Variants in DUSP22 observed in about 807,000 individuals in gnomAD.
DUSP22 encodes the protein dual specificity phosphatase 22.
Under a neutral mutation model 24.5 loss-of-function variants are expected in DUSP22, and 24 were observed. The ratio of observed to expected loss-of-function variants is 0.98; its 90% CI spans 0.71 to 1.38. DUSP22 has a LOEUF of 1.38. DUSP22 is among the 40% of genes most tolerant of loss of function. The pLI, the probability that DUSP22 is intolerant of heterozygous loss-of-function variation, is 0.00. For synonymous variants in DUSP22, 160 were observed against 106.4 expected, an observed-to-expected ratio of 1.50 and a Z score of -3.10; for missense variants, 330 against 269.2, an observed-to-expected ratio of 1.23 and a Z score of -1.58.
chr6:313,282 C>T (rs1758191636), intron 3 of DUSP22, among the ~76,000 whole-genome samples: 1 of 152,424 alleles, frequency 6.6e-6, no homozygotes, highest in Non-Finnish European at 1.5e-5. Context: ...CTGCTTCATA[C>T]TCCATTAAAT....
chr6:342,049 A>G (rs1326633736), intron 4 of DUSP22, among the ~76,000 whole-genome samples: 2 of 152,308 alleles, frequency 1.3e-5, no homozygotes, highest in Non-Finnish European at 2.9e-5. Flanking sequence ...CCCCACTCCA[A>G]GGTTTCAGTG....
chr6:348,628 C>A, intron 6 of DUSP22, 141 bp from the exon 7 acceptor site: 1 of 1,431,286 alleles, frequency 7.0e-7, no homozygotes, highest in Non-Finnish European at 9.6e-7. Context: ...TGGCCAACCA[C>A]AGAGCTCTGA....
intron 3 of DUSP22, among the ~76,000 whole-genome samples, chr6:324,406 C>A (rs1758753393): frequency 6.6e-6 from 1 of 152,310 alleles, no homozygotes; most frequent in South Asian, 2.1e-4. Context: ...TGCCGCGAAC[C>A]TCAGGCAGTG....
rs534741333 is a variant in DUSP22 at position 300,597 on chromosome 6, A to G, written c.22-4031A>G. On this transcript the variant is annotated intron_variant, in intron 1 of 6. Coordinates refer to ENST00000419235, the MANE Select transcript of DUSP22 (RefSeq NM_001286555.3). ...AGTAAATGGCAAATGAGCAGCAGTGAAGTCCAGAAAGGGCAGAGTCTCCTG... is the reference window on the plus strand; with the variant it reads ...AGTAAATGGCAAATGAGCAGCAGTGGAGTCCAGAAAGGGCAGAGTCTCCTG... 2.0e-5 allele frequency among the ~76,000 whole-genome samples: 3 copies of G among 152,420 alleles called. No homozygotes were observed. In the East Asian group the frequency reaches 5.8e-4, roughly 29 times the overall value.
rs1456956346 is a variant in DUSP22, at chr6:349,275, G to A, written c.*324G>A. ...CATGTGTGTGCCTGTGTGAGTGAGG[G>A]TATGTGCACCTAAGTGTGTACATGT... On this transcript the variant is annotated 3_prime_UTR_variant, in exon 7 of 7. Coordinates refer to ENST00000419235, the MANE Select transcript of DUSP22 (RefSeq NM_001286555.3). 4.6e-6 allele frequency: 6 copies of A among 1,304,984 alleles called. No individual in the cohort carries two copies. The highest frequency in any genetic ancestry group is 4.9e-6 in the Non-Finnish European group (5 of 1,020,326). The allele number at this position is 1,304,984 out of a possible 1,614,324, so 80.8% of individuals were successfully genotyped here.
At chr6:341,194 T>C (rs2127417963) in intron 4 of DUSP22, among the ~76,000 whole-genome samples, 1 of 152,426 alleles carries the variant, frequency 6.6e-6, no homozygotes, top group Non-Finnish European at 1.5e-5. Context: ...GTCCGGTCCG[T>C]GCTTCCTTGT....
intron 3 of DUSP22, among the ~76,000 whole-genome samples, chr6:312,566 T>A: frequency 6.6e-6 from 1 of 152,312 alleles, no homozygotes; most frequent in South Asian, 2.1e-4. Context: ...AGGTAAAATC[T>A]ATTTATGTTT....
chr6:293,513 C>G (rs1298559041), intron 1 of DUSP22, among the ~76,000 whole-genome samples: 1 of 152,202 alleles, frequency 6.6e-6, no homozygotes, highest in Non-Finnish European at 1.5e-5. Context: ...TTGCGCTCCA[C>G]CCACCCACAT....
At chr6:320,336 G>A (rs889382612) in intron 3 of DUSP22, 14 of 153,014 alleles carry the variant, frequency 9.1e-5, no homozygotes, top group African/African-American at 2.6e-4. Flanking sequence ...TCCTCCTGAC[G>A]GCTGTACTTG....
chr6:329,610 G>C (rs968058901), intron 3 of DUSP22, among the ~76,000 whole-genome samples: 2 of 152,290 alleles, frequency 1.3e-5, no homozygotes, highest in Non-Finnish European at 2.9e-5. Context: ...ATGCCACCAC[G>C]CCTGGCTAAT....
rs1187007313 is a variant in DUSP22, at chr6:349,876, G to A, written c.*925G>A. Reference sequence around the variant, plus strand: ...ACTTTAGCCTAAGTTGGGTGCCCCAGGGCACCCCCTCCTCTCTGCTCCTTG... The same window carrying A: ...ACTTTAGCCTAAGTTGGGTGCCCCAAGGCACCCCCTCCTCTCTGCTCCTTG... On this transcript the variant is annotated 3_prime_UTR_variant, in exon 7 of 7. Transcript: ENST00000419235. 4 of 985,904 alleles carry A rather than the reference G, an allele frequency of 4.1e-6. No individual in the cohort carries two copies. In the African/African-American group the frequency reaches 5.2e-5, roughly 13 times the overall value. 61.1% of individuals were successfully genotyped at this position (985,904 alleles called of 1,614,324 possible).
At chr6:320,107 C>G (rs1758522103) in intron 3 of DUSP22, 2 of 152,506 alleles carry the variant, frequency 1.3e-5, no homozygotes, top group African/African-American at 4.8e-5. Context: ...GGCTTGAGAT[C>G]TTCCAGTACT....
intron 1 of DUSP22, among the ~76,000 whole-genome samples, chr6:299,037 G>T (rs1757465891): frequency 6.6e-6 from 1 of 152,306 alleles, no homozygotes; most frequent in South Asian, 2.1e-4. Context: ...CAGGAACAGT[G>T]TCCCCAGCAA....
intron 3 of DUSP22, among the ~76,000 whole-genome samples, chr6:328,923 C>T (rs1376557233): frequency 6.6e-6 from 1 of 152,306 alleles, no homozygotes; most frequent in Non-Finnish European, 1.5e-5. Context: ...GTGTAATCTT[C>T]CTTGGGATGG....
At chr6:316,200 G>T (rs1050519900) in intron 3 of DUSP22, among the ~76,000 whole-genome samples, 3 of 152,308 alleles carry the variant, frequency 2.0e-5, no homozygotes, top group Non-Finnish European at 4.4e-5. Flanking sequence ...TCAGCAAGTG[G>T]CAGGGCCAGG....
At chr6:313,943 G>T (rs997996922) in intron 3 of DUSP22, among the ~76,000 whole-genome samples, 1 of 152,304 alleles carries the variant, frequency 6.6e-6, no homozygotes, top group Admixed American at 6.5e-5. Flanking sequence ...TCTGCCTGGG[G>T]CACAAAGGCA....
At chr6:313,403 C>T (rs1758196323) in intron 3 of DUSP22, among the ~76,000 whole-genome samples, 1 of 152,308 alleles carries the variant, frequency 6.6e-6, no homozygotes, top group Non-Finnish European at 1.5e-5. Flanking sequence ...GCCCTTATCA[C>T]TTGGGAAACC....
At chr6:330,568 C>G (rs780538637) in intron 3 of DUSP22, among the ~76,000 whole-genome samples, 2 of 152,422 alleles carry the variant, frequency 1.3e-5, no homozygotes, top group African/African-American at 4.8e-5. Context: ...GCCTCCGTAT[C>G]GTTTTAAGTG....
intron 1 of DUSP22, among the ~76,000 whole-genome samples, chr6:304,361 C>T (rs761337869): frequency 2.6e-4 from 39 of 152,412 alleles, no homozygotes; most frequent in Non-Finnish European, 4.4e-4. Context: ...GACTTGGACC[C>T]TCAGAATGCC....
Sources: allele counts gnomAD v4.1 joint callset (sites outside exome capture counted in the v4.1 genomes callset), GRCh38; gene constraint gnomAD v4.1.1; transcripts MANE v1.5; gene names NCBI Gene and HGNC (gene_info 2026-07-23, HGNC 2026-07-21).